LOC400499: variants seen among roughly 807,000 people sequenced by gnomAD.
the LOC400499 span, among the ~76,000 whole-genome samples, chr16:11,509,968 C>G: frequency 1.4e-5 from 2 of 146,696 alleles, no homozygotes; most frequent in African/African-American, 5.2e-5. Context: ...AGGGGGGACT[C>G]ATTTTAACCG....
chr16:11,420,746 C>T, the LOC400499 span, among the ~76,000 whole-genome samples: 21 of 152,074 alleles, frequency 1.4e-4, no homozygotes, highest in Non-Finnish European at 2.6e-4. Context: ...GAATGAGCCG[C>T]GGCCCAGCCG....
the LOC400499 span, chr16:11,435,653 G>A: frequency 2.5e-6 from 1 of 399,368 alleles, no homozygotes; most frequent in Non-Finnish European, 4.4e-6. Flanking sequence ...GCCACCTGGG[G>A]ACCATTACCT....
chr16:11,423,187 G>C, the LOC400499 span: 1 of 399,212 alleles, frequency 2.5e-6, no homozygotes, highest in Non-Finnish European at 4.4e-6. Context: ...ACCTCGAGAG[G>C]CTGCCCAGCG....
chr16:11,417,632 C>T, the LOC400499 span: 4 of 398,982 alleles, frequency 1.0e-5, no homozygotes, highest in Admixed American at 4.4e-5. Context: ...AGTGCCTTAC[C>T]GTGTATCTGC....
the LOC400499 span, among the ~76,000 whole-genome samples, chr16:11,402,533 T>C: frequency 2.0e-5 from 3 of 152,094 alleles, 1 homozygote; most frequent in East Asian, 5.8e-4. Context: ...CCCCGCTTCC[T>C]CCCTTGAACC....
chr16:11,385,291 G>T, the LOC400499 span: 1 of 1,232,192 alleles, frequency 8.1e-7, no homozygotes, highest in Non-Finnish European at 1.0e-6. Context: ...GTCCGACTCA[G>T]CGTCAGCGAG....
the LOC400499 span, among the ~76,000 whole-genome samples, chr16:11,522,551 G>A: frequency 6.6e-6 from 1 of 152,160 alleles, no homozygotes; most frequent in Admixed American, 6.5e-5. Flanking sequence ...AGGGGAGGGA[G>A]GGCCACAATC....
At chr16:11,390,295 T>G in the LOC400499 span, 1 of 1,232,858 alleles carries the variant, frequency 8.1e-7, no homozygotes. Flanking sequence ...CAGGGCTCCT[T>G]TCATGGCCCC....
chr16:11,446,684 G>A, the LOC400499 span: 4 of 1,532,722 alleles, frequency 2.6e-6, no homozygotes, highest in African/African-American at 1.4e-5. Flanking sequence ...AGGGAGTGAG[G>A]AGGCAGCTGG....
chr16:11,431,420 TC>T, the LOC400499 span, among the ~76,000 whole-genome samples: 3 of 152,130 alleles, frequency 2.0e-5, no homozygotes, highest in Non-Finnish European at 4.4e-5. Flanking sequence ...TTCATTTTTT[TC>T]CTAGGAGACA....
chr16:11,433,838 G>A, the LOC400499 span, among the ~76,000 whole-genome samples: 1 of 152,234 alleles, frequency 6.6e-6, no homozygotes, highest in Non-Finnish European at 1.5e-5. Context: ...GGGAAGCCCA[G>A]CATCCCTTGC....
the LOC400499 span, among the ~76,000 whole-genome samples, chr16:11,400,081 C>A: frequency 6.6e-6 from 1 of 151,536 alleles, no homozygotes; most frequent in African/African-American, 2.4e-5. Context: ...AAAGCCTCAT[C>A]CCCAACACCC....
the LOC400499 span, among the ~76,000 whole-genome samples, chr16:11,506,731 T>C: frequency 6.6e-6 from 1 of 152,236 alleles, no homozygotes; most frequent in Non-Finnish European, 1.5e-5. Context: ...TGCTTTCTAT[T>C]GAGCGCTGAG....
At chr16:11,513,232 T>G in the LOC400499 span, among the ~76,000 whole-genome samples, 1 of 103,796 alleles carries the variant, frequency 9.6e-6, no homozygotes, top group Admixed American at 1.1e-4. Flanking sequence ...AGTGAAACCC[T>G]GTCTCAACAA....
At chr16:11,470,872 G>A in the LOC400499 span, 837 of 152,938 alleles carry the variant, frequency 5.5e-3, 2 homozygotes, top group Non-Finnish European at 9.5e-3. Context: ...GAGGGAGTTA[G>A]GTGGATGTCC....
chr16:11,519,577 T>C, the LOC400499 span, among the ~76,000 whole-genome samples: 1 of 152,050 alleles, frequency 6.6e-6, no homozygotes, highest in African/African-American at 2.4e-5. Context: ...TCTCTATTTT[T>C]TAAAATAAAT....
At chr16:11,482,690 A>G in the LOC400499 span, among the ~76,000 whole-genome samples, 1 of 152,160 alleles carries the variant, frequency 6.6e-6, no homozygotes, top group Non-Finnish European at 1.5e-5. Flanking sequence ...CAGGACTTCA[A>G]GATCAGCCTG....
the LOC400499 span, among the ~76,000 whole-genome samples, chr16:11,449,922 C>G: frequency 6.6e-6 from 1 of 152,372 alleles, no homozygotes; most frequent in South Asian, 2.1e-4. Context: ...CCGCCATGCC[C>G]TCTGGTTGGG....
chr16:11,374,400 A>C, the LOC400499 span, among the ~76,000 whole-genome samples: 2 of 152,234 alleles, frequency 1.3e-5, no homozygotes, highest in Non-Finnish European at 2.9e-5. Flanking sequence ...ATTCAGTGTA[A>C]GTACATGCAC....
Sources: allele counts gnomAD v4.1 joint callset (sites outside exome capture counted in the v4.1 genomes callset), GRCh38; gene constraint gnomAD v4.1.1; transcripts MANE v1.5.